MCTP1: variants seen among roughly 807,000 people sequenced by gnomAD.
MCTP1 encodes the protein multiple C2 and transmembrane domain-containing protein 1.
A neutral mutation model predicts 120.6 loss-of-function variants in MCTP1; 69 were observed. The ratio of observed to expected loss-of-function variants is 0.57; its 90% CI spans 0.47 to 0.70. MCTP1 has a LOEUF of 0.70. Ranked by LOEUF, MCTP1 falls within the 30% of genes least tolerant of loss-of-function variation. MCTP1 has a pLI of 0.00. For missense variants in MCTP1, 1,203 were observed against 1,248.8 expected, an observed-to-expected ratio of 0.96 and a Z score of 0.55; for synonymous variants, 529 against 493.1, an observed-to-expected ratio of 1.07 and a Z score of -0.96.
At chr5:94,935,343 G>A (rs140335209) in intron 5 of MCTP1, among the ~76,000 whole-genome samples, 1 of 152,098 alleles carries the variant, frequency 6.6e-6, no homozygotes, top group African/African-American at 2.4e-5. Context: ...CACACAAGGA[G>A]AAATCATCCC....
chr5:94,837,114 AC>A (rs1789971794), intron 17 of MCTP1, among the ~76,000 whole-genome samples: 1 of 152,128 alleles, frequency 6.6e-6, no homozygotes, highest in African/African-American at 2.4e-5. Flanking sequence ...GCAGTGACTC[AC>A]ACCTGTAATC....
chr5:94,846,322 T>C (rs1707484255), intron 17 of MCTP1, among the ~76,000 whole-genome samples: 1 of 152,046 alleles, frequency 6.6e-6, no homozygotes, highest in Non-Finnish European at 1.5e-5. Context: ...TACGCATCCA[T>C]ACAAAGAATG....
chr5:94,948,242 A>C (rs776751301), intron 3 of MCTP1, among the ~76,000 whole-genome samples: 4 of 152,318 alleles, frequency 2.6e-5, no homozygotes, highest in Non-Finnish European at 5.9e-5. Context: ...GTACCCATAC[A>C]AAAGAGACGA....
In MCTP1 at chr5:95,153,126, T is replaced by C. The variant is rs115198965; in HGVS notation, c.720+130730A>G. On this transcript the variant is annotated intron_variant, in intron 1 of 22. Transcript: ENST00000515393. ...TCAAATTGTGATCCCCACGTGTTGA[T>C]GGAGGGACTAGTTGGGAGGTCACTG... Among the ~76,000 whole-genome samples, 582 of 152,290 alleles carry C rather than the reference T, an allele frequency of 3.8e-3. 6 individuals carry two copies. Among genetic ancestry groups the C allele is most frequent in the African/African-American group, 0.013 (558 of 41,558 alleles).
intron 7 of MCTP1, among the ~76,000 whole-genome samples, chr5:94,922,595 TCTC>T (rs1418881353): frequency 6.6e-6 from 1 of 152,096 alleles, no homozygotes; most frequent in Non-Finnish European, 1.5e-5. Context: ...TTCAAGCAAT[TCTC>T]CTGCCTCAGC....
chr5:95,003,777 T>C (rs1834163308), intron 2 of MCTP1, among the ~76,000 whole-genome samples: 1 of 152,192 alleles, frequency 6.6e-6, no homozygotes, highest in Admixed American at 6.5e-5. Context: ...CTTTTATTTA[T>C]AAATTACCCA....
At chr5:95,109,434 A>G (rs545954261) in intron 1 of MCTP1, among the ~76,000 whole-genome samples, 1 of 152,196 alleles carries the variant, frequency 6.6e-6, no homozygotes, top group Non-Finnish European at 1.5e-5. Flanking sequence ...TCACCAAGGA[A>G]ACGCTTGATA....
chr5:95,067,748 T>C (rs926305737), intron 1 of MCTP1, among the ~76,000 whole-genome samples: 1 of 152,178 alleles, frequency 6.6e-6, no homozygotes, highest in East Asian at 1.9e-4. Context: ...TGTGGAAAGA[T>C]TCAGTCAAAC....
At chr5:94,731,513 C>T (rs1383145137) in intron 19 of MCTP1, among the ~76,000 whole-genome samples, 2 of 152,064 alleles carry the variant, frequency 1.3e-5, no homozygotes, top group African/African-American at 4.8e-5. Context: ...ATTGACTTTT[C>T]CTACCTGATT....
chr5:94,712,405 C>T lies in MCTP1; in HGVS notation c.2721-1478G>A, dbSNP rs527342609. Among the ~76,000 whole-genome samples, 256 of 129,686 alleles carry T rather than the reference C, an allele frequency of 2.0e-3. 2 individuals carry two copies. Among genetic ancestry groups the T allele is most frequent in the Admixed American group, 3.7e-3 (43 of 11,476 alleles). 85.1% of individuals were successfully genotyped at this position (129,686 alleles called of 152,430 possible). ...TAATTTCCTGGTATTGTATATTGTACTTACTTGAGGTGAGTTTTTTTTTTT... is the reference window on the plus strand; with the variant it reads ...TAATTTCCTGGTATTGTATATTGTATTTACTTGAGGTGAGTTTTTTTTTTT... On this transcript the variant is annotated intron_variant, in intron 20 of 22. Coordinates refer to ENST00000515393, the MANE Select transcript of MCTP1 (RefSeq NM_024717.7).
At position 94,838,867 on chromosome 5, in the gene MCTP1, C is replaced by T. The variant is rs999814952; in HGVS notation, c.2436+29466G>A. 3.9e-5 allele frequency among the ~76,000 whole-genome samples: 6 copies of T among 152,186 alleles called. No individual in the cohort carries two copies. The East Asian group carries it at 5.8e-4, about 15-fold the overall frequency. On this transcript the variant is annotated intron_variant, in intron 17 of 22. Transcript: ENST00000515393. ...GATGCTGGGCAAGGAGGATGATGAT[C>T]GGGTAGCCAGGGGCAGATGTGGACT...
intron 1 of MCTP1, among the ~76,000 whole-genome samples, chr5:95,224,611 G>A (rs1754058700): frequency 6.6e-6 from 1 of 150,540 alleles, no homozygotes; most frequent in African/African-American, 2.4e-5. Context: ...GGGCTCAAAT[G>A]ATCCTCCTAC....
intron 12 of MCTP1, among the ~76,000 whole-genome samples, chr5:94,885,306 A>C (rs1801024783): frequency 6.6e-6 from 1 of 151,802 alleles, no homozygotes; most frequent in South Asian, 2.1e-4. Context: ...GCTCAGAAAA[A>C]AAAAAAAAAC....
intron 1 of MCTP1, among the ~76,000 whole-genome samples, chr5:95,254,788 G>A (rs1457527077): frequency 6.6e-6 from 1 of 152,154 alleles, no homozygotes; most frequent in Non-Finnish European, 1.5e-5. Context: ...AACCTGTTCT[G>A]ACACTTCCAC....
chr5:95,216,704 A>C (rs971555511), intron 1 of MCTP1, among the ~76,000 whole-genome samples: 1 of 152,218 alleles, frequency 6.6e-6, no homozygotes, highest in African/African-American at 2.4e-5. Context: ...AATTCTTGTT[A>C]TAAACACACT....
chr5:94,887,058 C>A (rs1801513013), intron 12 of MCTP1, among the ~76,000 whole-genome samples: 1 of 152,060 alleles, frequency 6.6e-6, no homozygotes, highest in Admixed American at 6.6e-5. Context: ...ATCTTTTTGC[C>A]CCTGAATAGT....
intron 1 of MCTP1, among the ~76,000 whole-genome samples, chr5:95,208,954 T>C (rs998705049): frequency 6.6e-6 from 1 of 152,152 alleles, no homozygotes; most frequent in Non-Finnish European, 1.5e-5. Flanking sequence ...CATGACCCTG[T>C]TCTGTCATCT....
At chr5:95,169,953 C>T (rs150356685) in intron 1 of MCTP1, among the ~76,000 whole-genome samples, 1 of 152,138 alleles carries the variant, frequency 6.6e-6, no homozygotes, top group Non-Finnish European at 1.5e-5. Flanking sequence ...ATTCTGCTAG[C>T]TTTTGAATGT....
intron 8 of MCTP1, among the ~76,000 whole-genome samples, chr5:94,913,570 T>G (rs942328911): frequency 1.3e-5 from 2 of 152,232 alleles, no homozygotes; most frequent in African/African-American, 4.8e-5. Context: ...TAAGATGTCT[T>G]GCTTATACCT....
Sources: gnomAD v4.1 joint callset for allele counts (sites outside exome capture counted in the v4.1 genomes callset) on GRCh38, gnomAD v4.1.1 for gene constraint, MANE v1.5 for transcripts, NCBI Gene and HGNC (gene_info 2026-07-23, HGNC 2026-07-21) for gene names.